Variants in ANKDD1A observed in about 807,000 individuals in gnomAD.
ANKDD1A encodes ankyrin repeat and death domain containing 1A, also known as ankyrin repeat and death domain-containing protein 1A.
In ANKDD1A, 59 loss-of-function variants were observed where a neutral mutation model predicts 63.5. The ratio of observed to expected loss-of-function variants is 0.93; its 90% CI spans 0.75 to 1.15. ANKDD1A has a LOEUF of 1.15. Among genes scored for constraint, ANKDD1A ranks in the 50% most tolerant of loss-of-function variants. ANKDD1A has a pLI of 0.00. For synonymous variants in ANKDD1A, 266 were observed against 263.9 expected, an observed-to-expected ratio of 1.01 and a Z score of -0.08; for missense variants, 632 against 656.4, an observed-to-expected ratio of 0.96 and a Z score of 0.41.
intron 4 of ANKDD1A, among the ~76,000 whole-genome samples, chr15:64,923,193 A>G (rs832888): frequency 0.48 from 72,821 of 151,786 alleles, 18,705 homozygotes; most frequent in East Asian, 0.78. Context: ...GTGATGTGAT[A>G]TGTGTGAGGT....
In ANKDD1A at chr15:64,921,980, C is replaced by T; in HGVS notation, c.327C>T (p.Ile109=). 6.2e-7 allele frequency: 1 copy of T among 1,614,200 alleles called. No homozygotes were observed. The highest frequency in any genetic ancestry group is 8.5e-7 in the Non-Finnish European group (1 of 1,180,038). The change falls in exon 4 of 15, where the codon ATC becomes ATT. Residue 109 remains isoleucine, a synonymous_variant. Coordinates refer to ENST00000319580, the MANE Select transcript of ANKDD1A (RefSeq NM_182703.6). ...AWFGHLRILQ[I]LVNSGAKIHC... is the part of the protein sequence containing the mutation. ...TCGGCCACTTACGAATCCTCCAGATCTTGGTAAACTCAGGGGCCAAGATCC... is the reference window on the plus strand; with the variant it reads ...TCGGCCACTTACGAATCCTCCAGATTTTGGTAAACTCAGGGGCCAAGATCC...
intron 14 of ANKDD1A, chr15:64,950,176 G>T (rs2085258430): frequency 1.1e-5 from 11 of 985,378 alleles, no homozygotes; most frequent in African/African-American, 1.7e-5. Context: ...GTGCAATGAG[G>T]GTGTTGGCCC....
At chr15:64,924,149 C>G (rs1463558875) in intron 4 of ANKDD1A, among the ~76,000 whole-genome samples, 1 of 152,248 alleles carries the variant, frequency 6.6e-6, no homozygotes, top group African/African-American at 2.4e-5. Flanking sequence ...GAGGGTCTCA[C>G]TCACATGTCT....
intron 9 of ANKDD1A, among the ~76,000 whole-genome samples, chr15:64,940,781 C>T (rs112216418): frequency 5.2e-4 from 79 of 152,138 alleles, no homozygotes; most frequent in South Asian, 3.5e-3. Context: ...CTCTGTTGCC[C>T]AGGTTGGAGT....
chr15:64,935,157 A>C lies in ANKDD1A; in HGVS notation c.867+923A>C, dbSNP rs1375519277. 2.7e-5 allele frequency among the ~76,000 whole-genome samples: 4 copies of C among 150,934 alleles called. No homozygotes were observed. In the East Asian group the frequency reaches 5.9e-4, roughly 22 times the overall value. On this transcript the variant is annotated intron_variant, in intron 9 of 14. Coordinates refer to ENST00000319580, the MANE Select transcript of ANKDD1A (RefSeq NM_182703.6). ...GCTAAAGGACTGCTTGAGCCCAGGAAGTTGAGGCCACAGTGAGCCATGATC... is the reference window on the plus strand; with the variant it reads ...GCTAAAGGACTGCTTGAGCCCAGGACGTTGAGGCCACAGTGAGCCATGATC...
At chr15:64,914,533 A>G (rs1256277947) in intron 1 of ANKDD1A, among the ~76,000 whole-genome samples, 3 of 152,226 alleles carry the variant, frequency 2.0e-5, no homozygotes, top group Non-Finnish European at 4.4e-5. Flanking sequence ...GCTTCAAGCC[A>G]TCCTCCTGCC....
At chr15:64,954,189 T>C (rs1317280913) in intron 14 of ANKDD1A, among the ~76,000 whole-genome samples, 1 of 39,476 alleles carries the variant, frequency 2.5e-5, no homozygotes, top group African/African-American at 5.3e-5. Flanking sequence ...TTCTTCTCCT[T>C]CTTTCTTGTT....
At chr15:64,926,022 C>A (rs748893030) in intron 4 of ANKDD1A, 44 bp from the exon 5 acceptor site, 2 of 1,553,148 alleles carry the variant, frequency 1.3e-6, no homozygotes, top group Middle Eastern at 2.0e-4. Flanking sequence ...GTGAAAAGGG[C>A]CTCCCTTCAC....
chr15:64,935,722 T>C (rs2085126337), intron 9 of ANKDD1A, among the ~76,000 whole-genome samples: 1 of 151,500 alleles, frequency 6.6e-6, no homozygotes, highest in African/African-American at 2.4e-5. Context: ...TGTATCCCTG[T>C]AATCCCAGCT....
chr15:64,937,287 A>G (rs2085141724), intron 9 of ANKDD1A, among the ~76,000 whole-genome samples: 1 of 152,256 alleles, frequency 6.6e-6, no homozygotes, highest in Non-Finnish European at 1.5e-5. Context: ...TGACAGATAT[A>G]CTTCCACATG....
Position 64,921,951 on chromosome 15 carries a change from TG to T in ANKDD1A, c.300del (p.Trp100CysfsTer12). 1 of 1,614,202 alleles carries T rather than the reference TG, an allele frequency of 6.2e-7. No individual in the cohort carries two copies. Among genetic ancestry groups the T allele is most frequent in the Middle Eastern group, 1.6e-4 (1 of 6,062 alleles). On this transcript the variant is annotated frameshift_variant, in exon 4 of 15. Coordinates refer to ENST00000319580, the MANE Select transcript of ANKDD1A (RefSeq NM_182703.6). LOFTEE classifies it high-confidence loss of function. ...FGMNALLLSA[W>X]FGHLRILQIL... ...GATGAATGCGCTTCTCCTGTCTGCCTGGTTCGGCCACTTACGAATCCTCCAG... is the reference window on the plus strand; with the variant it reads ...GATGAATGCGCTTCTCCTGTCTGCCTGTTCGGCCACTTACGAATCCTCCAG...
chr15:64,930,522 G>T (rs942623159), intron 6 of ANKDD1A, among the ~76,000 whole-genome samples: 1 of 152,218 alleles, frequency 6.6e-6, no homozygotes, highest in Admixed American at 6.5e-5. Flanking sequence ...GGGGAGAGTT[G>T]CTGGGGCCTT....
chr15:64,954,968 CCTT>C (rs2085404056), intron 14 of ANKDD1A, among the ~76,000 whole-genome samples: 1 of 150,388 alleles, frequency 6.6e-6, no homozygotes, highest in Admixed American at 6.7e-5. Flanking sequence ...TTCTTCTTCT[CCTT>C]GTTCTTCTCC....
intron 3 of ANKDD1A, among the ~76,000 whole-genome samples, chr15:64,917,887 A>G (rs116958413): frequency 8.5e-5 from 13 of 152,354 alleles, no homozygotes; most frequent in Non-Finnish European, 1.5e-4. Context: ...TAACACTTCA[A>G]TCAAAGTCTT....
In ANKDD1A at chr15:64,958,509, A is replaced by AAAGTT. The variant is rs1338952260; in HGVS notation, c.*1323_*1327dup. 6.6e-6 allele frequency: 1 copy of AAAGTT among 152,202 alleles called. No individual in the cohort carries two copies. Among genetic ancestry groups the AAAGTT allele is most frequent in the Admixed American group, 6.5e-5 (1 of 15,272 alleles). 9.4% of individuals were successfully genotyped at this position (152,202 alleles called of 1,614,324 possible). ...AAAGTCTGTGAAAAAAAACAAAAGT[A>AAAGTT]AAGTTATAAAAGGAAAAGAAAACAG... is the stretch of plus-strand genomic sequence containing the variant. On this transcript the variant is annotated 3_prime_UTR_variant, in exon 15 of 15. Transcript: ENST00000319580.
rs1412230438 is a variant in ANKDD1A, at chr15:64,945,607, C to T, written c.1161+860C>T. The stretch of plus-strand genomic sequence containing the variant: ...TTAGAGGGATTAAATGCATTTTCAA[C>T]ATATATATATATATATATATATATG... On this transcript the variant is annotated intron_variant, in intron 12 of 14. Transcript: ENST00000319580. Among the ~76,000 whole-genome samples, 26 of 73,860 alleles carry T rather than the reference C, an allele frequency of 3.5e-4. 1 individual carries two copies. Among genetic ancestry groups the T allele is most frequent in the African/African-American group, 1.1e-3 (18 of 16,204 alleles). 48.5% of individuals were successfully genotyped at this position (73,860 alleles called of 152,430 possible).
intron 9 of ANKDD1A, among the ~76,000 whole-genome samples, chr15:64,940,435 T>TAGATAGATAGATAG (rs1595853972): frequency 1.4e-4 from 17 of 121,874 alleles, no homozygotes; most frequent in Non-Finnish European, 1.3e-4. Context: ...TAGATAGATA[T>TAGATAGATAGATAG]ATAGATATTT....
intron 9 of ANKDD1A, among the ~76,000 whole-genome samples, chr15:64,940,059 A>C (rs1479701432): frequency 6.6e-6 from 1 of 151,932 alleles, no homozygotes; most frequent in African/African-American, 2.4e-5. Flanking sequence ...AAAACAAGCT[A>C]TGGACCAAGA....
Position 64,911,960 on chromosome 15 carries a change from C to A in ANKDD1A, c.30C>A (p.Asp10Glu). MQEELAWET[D>E]GLLPLERQLH... ...AGGAGGAGCTGGCGTGGGAGACCGA[C>A]GGCCGTGAGTCTGCCTGGAGGAGGG... The change falls in exon 1 of 15, where the codon GAC becomes GAA. Residue 10 changes from aspartate (D) to glutamate (E), a missense_variant. By Grantham distance (45) the Asp-to-Glu change is conservative. Coordinates refer to ENST00000319580, the MANE Select transcript of ANKDD1A (RefSeq NM_182703.6). 1 of 1,242,174 alleles carries A rather than the reference C, an allele frequency of 8.1e-7. No homozygotes were observed. Among genetic ancestry groups the A allele is most frequent in the Non-Finnish European group, 1.0e-6 (1 of 985,856 alleles). The allele number at this position is 1,242,174 out of a possible 1,614,324, so 76.9% of individuals were successfully genotyped here. A position where few individuals can be genotyped will look rare whatever the true frequency, so the allele number is the denominator to read the frequency against.
Sources: gnomAD v4.1 joint callset for allele counts (sites outside exome capture counted in the v4.1 genomes callset) on GRCh38, gnomAD v4.1.1 for gene constraint, MANE v1.5 for transcripts, NCBI Gene and HGNC (gene_info 2026-07-23, HGNC 2026-07-21) for gene names.